The following MIA3 variants were observed in gnomAD, a reference collection of about 807,000 sequenced individuals.
MIA3 encodes the protein MIA SH3 domain ER export factor 3.
In MIA3, 90 loss-of-function variants were observed where a neutral mutation model predicts 192.4. The observed-to-expected ratio is 0.47, with a 90% confidence interval of 0.39 to 0.56. The LOEUF is 0.56. Ranked by LOEUF, MIA3 falls within the 20% of genes least tolerant of loss-of-function variation. The pLI is 0.00. For synonymous variants in MIA3, 740 were observed against 792.8 expected (o/e 0.93, Z 1.12); for missense variants, 2,123 against 2,269.4 (o/e 0.94, Z 1.31).
intron 24 of MIA3, 63 bp from the exon 25 acceptor site, chr1:222,661,993 T>C: frequency 1.5e-6 from 2 of 1,343,842 alleles, no homozygotes; most frequent in Non-Finnish European, 1.1e-6. Context: ...AACCCTGATC[T>C]GTCCACAATT....
rs1310514498 is a variant in MIA3, at chr1:222,650,907, A to G, written c.3909+4A>G. 6.5e-7 allele frequency: 1 copy of G among 1,548,944 alleles called. No homozygotes were observed. The highest frequency in any genetic ancestry group is 1.8e-5 in the Admixed American group (1 of 54,140). On this transcript the variant is annotated splice_donor_region_variant and intron_variant, in intron 11 of 27. Transcript: ENST00000344922. ...GAATGTCAAGAATCAGGACTTGGTA[A>G]GAGTTTTGCTGCTAAGTATTACTAA...
At chr1:222,644,058 C>G (rs1558185644) in intron 6 of MIA3, among the ~76,000 whole-genome samples, 2 of 152,226 alleles carry the variant, frequency 1.3e-5, no homozygotes. Flanking sequence ...TTCTCCTTTT[C>G]CCCAGCTGCC....
At chr1:222,661,928 C>T in intron 24 of MIA3, 128 bp from the exon 25 acceptor site, 1 of 662,798 alleles carries the variant, frequency 1.5e-6, no homozygotes, top group Non-Finnish European at 2.6e-6. Context: ...TAAGTGATTT[C>T]CCTTCATAAA....
At chr1:222,651,532 C>T (rs72740109) in intron 11 of MIA3, among the ~76,000 whole-genome samples, 18 of 151,980 alleles carry the variant, frequency 1.2e-4, no homozygotes, top group Non-Finnish European at 2.5e-4. Context: ...TCTGTCTATT[C>T]TCACTCCAAT....
At chr1:222,619,065 G>T (rs1479812232) in intron 1 of MIA3, among the ~76,000 whole-genome samples, 1 of 152,196 alleles carries the variant, frequency 6.6e-6, no homozygotes, top group African/African-American at 2.4e-5. Context: ...TCTTCTGTGC[G>T]CAGGAAGCGG....
Position 222,653,336 on chromosome 1 carries a change from G to A in MIA3, c.4318G>A (p.Gly1440Arg), listed in dbSNP as rs1401963127. The A allele has an allele frequency of 6.2e-7, 1 of 1,610,146 alleles. No homozygotes were observed. The highest frequency in any genetic ancestry group is 1.7e-5 in the Admixed American group (1 of 59,900). ...DSDELANGEV[G>R]GDRNEKMKNQ... Reference sequence around the variant, plus strand: ...AGATGAATTAGCAAATGGAGAAGTGGGAGGTAAGATCAGCCTCAAGGAGGA... The same window carrying A: ...AGATGAATTAGCAAATGGAGAAGTGAGAGGTAAGATCAGCCTCAAGGAGGA... The change falls in exon 15 of 28, where the codon GGA (glycine) becomes AGA (arginine). Residue 1440 changes from glycine (G) to arginine (R), a missense_variant. Around this residue, in one of 3 missense-constraint regions of MIA3, gnomAD observed 762 missense variants for 856.4 expected, o/e 0.89. Transcript: ENST00000344922.
intron 19 of MIA3, 93 bp downstream of exon 19, chr1:222,658,916 A>T: frequency 1.3e-6 from 1 of 745,518 alleles, no homozygotes; most frequent in Non-Finnish European, 2.3e-6. Flanking sequence ...TGGTTAGAGG[A>T]CATGAATACA....
At chr1:222,661,880 A>C (rs17163384) in intron 24 of MIA3, among the ~76,000 whole-genome samples, 176 bp from the exon 25 acceptor site, 19,206 of 152,188 alleles carry the variant, frequency 0.13, 1,823 homozygotes, top group African/African-American at 0.27. Flanking sequence ...AGTGCAAGGC[A>C]GTTCTTATTT....
intron 6 of MIA3, among the ~76,000 whole-genome samples, chr1:222,642,772 T>C (rs1303014613): frequency 6.6e-6 from 1 of 152,240 alleles, no homozygotes; most frequent in Non-Finnish European, 1.5e-5. Flanking sequence ...TATTTCATTG[T>C]AGGTTCATTT....
intron 4 of MIA3, among the ~76,000 whole-genome samples, chr1:222,630,783 G>A (rs1662363552): frequency 6.6e-6 from 1 of 152,186 alleles, no homozygotes; most frequent in Non-Finnish European, 1.5e-5. Flanking sequence ...TTAGATCAAT[G>A]CCTTGGCTAA....
intron 13 of MIA3, among the ~76,000 whole-genome samples, chr1:222,652,616 T>C (rs905901037): frequency 1.3e-5 from 2 of 152,234 alleles, no homozygotes; most frequent in Admixed American, 6.5e-5. Flanking sequence ...GGGTAGTAGA[T>C]TGGCTTTTTA....
At chr1:222,631,817 T>C (rs1341631722) in intron 4 of MIA3, among the ~76,000 whole-genome samples, 1 of 152,232 alleles carries the variant, frequency 6.6e-6, no homozygotes, top group Non-Finnish European at 1.5e-5. Context: ...GAGTTCATGT[T>C]ACTTCTCTGC....
intron 27 of MIA3, 99 bp from the exon 28 acceptor site, chr1:222,665,197 CAAAAAAAAAAAAA>C (rs879011032): frequency 7.0e-5 from 27 of 385,148 alleles, no homozygotes; most frequent in South Asian, 5.6e-4. Flanking sequence ...ACCCTGCCGC[CAAAAAAAAAAAAA>C]AAAAAAAAAA....
chr1:222,622,615 T>C (rs898997803), intron 2 of MIA3, among the ~76,000 whole-genome samples: 5 of 152,234 alleles, frequency 3.3e-5, no homozygotes, highest in African/African-American at 9.6e-5. Context: ...ACTTGCTCCA[T>C]ACCAAAACAA....
Position 222,664,050 on chromosome 1 carries a change from GCAC to G in MIA3, c.5317_5319del (p.Thr1773del), listed in dbSNP as rs1175252767. 6.2e-7 allele frequency: 1 copy of G among 1,614,120 alleles called. No homozygotes were observed. Among genetic ancestry groups the G allele is most frequent in the Admixed American group, 1.7e-5 (1 of 60,030 alleles). On this transcript the variant is annotated inframe_deletion, in exon 27 of 28. Coordinates refer to ENST00000344922, the MANE Select transcript of MIA3 (RefSeq NM_198551.4). The stretch of plus-strand genomic sequence containing the variant: ...CCTTTCCCAGGAGTCCCTCTCATGA[GCAC>G]CCCCATGGGAGGCCCTGTACCACCA...
At position 222,665,480 on chromosome 1, in the gene MIA3, C is replaced by A. The variant is rs1053365; in HGVS notation, c.5585C>A (p.Pro1862His). Residue 1862 changes from proline to histidine, a missense_variant, in exon 28 of 28, where the codon CCC becomes CAC. By Grantham distance (77) the Pro-to-His change is moderately conservative. Around this residue, in one of 3 missense-constraint regions of MIA3, gnomAD observed 762 missense variants for 856.4 expected, o/e 0.89. Coordinates refer to ENST00000344922, the MANE Select transcript of MIA3 (RefSeq NM_198551.4). ...TTTATTCCTGGTACCCGATTACCACCCCCAACCCATGGTCCCCAGGAATAC... is the reference window on the plus strand; with the variant it reads ...TTTATTCCTGGTACCCGATTACCACACCCAACCCATGGTCCCCAGGAATAC... Reference protein sequence around the residue: ...EYFIPGTRLPPPTHGPQEYPP... With the variant: ...EYFIPGTRLPHPTHGPQEYPP... 1 of 1,613,990 alleles carries A rather than the reference C, an allele frequency of 6.2e-7. No individual in the cohort carries two copies. The highest frequency in any genetic ancestry group is 1.3e-5 in the African/African-American group (1 of 74,970).
At chr1:222,631,858 G>T (rs1662411000) in intron 4 of MIA3, among the ~76,000 whole-genome samples, 1 of 152,228 alleles carries the variant, frequency 6.6e-6, no homozygotes, top group African/African-American at 2.4e-5. Context: ...CTGCTCTTGA[G>T]TGGAATTCTC....
chr1:222,646,816 T>C (rs1302213901), intron 7 of MIA3, among the ~76,000 whole-genome samples: 1 of 152,224 alleles, frequency 6.6e-6, no homozygotes, highest in Non-Finnish European at 1.5e-5. Context: ...CAACCTACTG[T>C]GATTCACAGT....
intron 26 of MIA3, 61 bp downstream of exon 26, chr1:222,662,393 C>G: frequency 2.5e-6 from 4 of 1,582,920 alleles, no homozygotes; most frequent in Non-Finnish European, 3.5e-6. Context: ...TCCTACAACT[C>G]TCTCTTTGCC....
Sources: gnomAD v4.1 joint callset for allele counts (sites outside exome capture counted in the v4.1 genomes callset) on GRCh38, gnomAD v4.1.1 for gene constraint, gnomAD v4.1.1 regional missense constraint, MANE v1.5 for transcripts, NCBI Gene and HGNC (gene_info 2026-07-23, HGNC 2026-07-21) for gene names.